Variants in AGBL4 observed in about 807,000 individuals in gnomAD.
AGBL4 encodes the protein AGBL carboxypeptidase 4, also known as cytosolic carboxypeptidase 6.
Under a neutral mutation model 66.4 loss-of-function variants are expected in AGBL4, and 58 were observed. That is an observed-to-expected ratio of 0.87 (90% CI 0.71 to 1.09). AGBL4 has a LOEUF of 1.09. AGBL4 is among the 50% of genes least tolerant of loss of function. The probability of loss-of-function intolerance (pLI) is 0.00; values close to 1 mark genes in which losing one functional copy is unlikely to be tolerated. For synonymous variants in AGBL4, 234 were observed against 222.9 expected (o/e 1.05, Z -0.44); for missense variants, 579 against 631.0 (o/e 0.92, Z 0.88).
chr1:50,002,357 T>G (rs1326160542), intron 1 of AGBL4, among the ~76,000 whole-genome samples: 1 of 127,582 alleles, frequency 7.8e-6, no homozygotes. Flanking sequence ...TCTGCCCTAG[T>G]TCTTTTTTTT....
chr1:48,945,987 T>C (rs899700424), intron 5 of AGBL4, among the ~76,000 whole-genome samples: 2 of 152,210 alleles, frequency 1.3e-5, no homozygotes, highest in Admixed American at 1.3e-4. Context: ...AGCTAATTAT[T>C]ATCATCACTC....
intron 5 of AGBL4, among the ~76,000 whole-genome samples, chr1:48,909,237 T>A (rs1652877706): frequency 6.6e-6 from 1 of 152,326 alleles, no homozygotes; most frequent in Non-Finnish European, 1.5e-5. Context: ...ATGCATATGT[T>A]TGTAATGATA....
intron 5 of AGBL4, among the ~76,000 whole-genome samples, chr1:48,951,354 G>A (rs1299463940): frequency 6.6e-6 from 1 of 152,162 alleles, no homozygotes; most frequent in Non-Finnish European, 1.5e-5. Flanking sequence ...GAAGAGAGTT[G>A]GAGGGGAAGC....
At chr1:49,646,602 C>T (rs1645893229) in intron 3 of AGBL4, among the ~76,000 whole-genome samples, 1 of 152,048 alleles carries the variant, frequency 6.6e-6, no homozygotes, top group Non-Finnish European at 1.5e-5. Context: ...ATGTTATTTT[C>T]TGGCTAAACT....
At chr1:48,653,577 G>A (rs377504162) in intron 7 of AGBL4, 126 bp from the exon 8 acceptor site, 2 of 656,838 alleles carry the variant, frequency 3.0e-6, no homozygotes, top group Non-Finnish European at 5.4e-6. Context: ...ATTGGCCACT[G>A]TGGGTGTGTG....
At chr1:48,974,708 T>C (rs956797116) in intron 5 of AGBL4, among the ~76,000 whole-genome samples, 6 of 152,156 alleles carry the variant, frequency 3.9e-5, no homozygotes, top group African/African-American at 1.4e-4. Context: ...TATAAAATAC[T>C]ATAAATTTAA....
intron 3 of AGBL4, among the ~76,000 whole-genome samples, chr1:49,446,128 G>A (rs938228395): frequency 6.6e-6 from 1 of 152,166 alleles, no homozygotes; most frequent in Admixed American, 6.5e-5. Flanking sequence ...TGGGATTACA[G>A]GTGTGAGCCA....
chr1:49,904,038 T>G (rs1359816017), intron 1 of AGBL4, among the ~76,000 whole-genome samples: 1 of 152,134 alleles, frequency 6.6e-6, no homozygotes, highest in Non-Finnish European at 1.5e-5. Context: ...GTATTAAATT[T>G]TCACCATCAG....
At chr1:49,139,635 T>G (rs1191970922) in intron 4 of AGBL4, among the ~76,000 whole-genome samples, 2 of 152,150 alleles carry the variant, frequency 1.3e-5, no homozygotes, top group Admixed American at 6.5e-5. Context: ...CAGCACTGTA[T>G]GTATAATAAT....
chr1:49,332,614 A>G (rs1217209887), intron 3 of AGBL4, among the ~76,000 whole-genome samples: 2 of 152,212 alleles, frequency 1.3e-5, no homozygotes, highest in African/African-American at 2.4e-5. Context: ...AATATTTCAC[A>G]GGGAAAATAA....
At chr1:49,436,197 A>G (rs1389865715) in intron 3 of AGBL4, among the ~76,000 whole-genome samples, 1 of 152,198 alleles carries the variant, frequency 6.6e-6, no homozygotes, top group Non-Finnish European at 1.5e-5. Flanking sequence ...GCAAGGATAC[A>G]GTATAGGAAA....
At chr1:49,076,031 G>A (rs1189212307) in intron 4 of AGBL4, among the ~76,000 whole-genome samples, 1 of 152,184 alleles carries the variant, frequency 6.6e-6, no homozygotes, top group East Asian at 1.9e-4. Flanking sequence ...TCGGCATAGA[G>A]TTGCAAAGTT....
chr1:49,695,805 C>T (rs1258450847), intron 3 of AGBL4, among the ~76,000 whole-genome samples: 1 of 152,072 alleles, frequency 6.6e-6, no homozygotes, highest in Non-Finnish European at 1.5e-5. Context: ...ATTGCATACA[C>T]TCAGTCTTGT....
intron 3 of AGBL4, among the ~76,000 whole-genome samples, chr1:49,598,204 T>C (rs1644885831): frequency 6.6e-6 from 1 of 152,184 alleles, no homozygotes; most frequent in Admixed American, 6.5e-5. Context: ...TGAAGCCTTC[T>C]TCTCTCAACT....
At chr1:49,975,192 C>T (rs939138924) in intron 1 of AGBL4, among the ~76,000 whole-genome samples, 2 of 152,136 alleles carry the variant, frequency 1.3e-5, no homozygotes, top group Non-Finnish European at 2.9e-5. Context: ...ATATTAAGAA[C>T]ACCTTTTACA....
chr1:49,646,313 A>G (rs1404669766), intron 3 of AGBL4, among the ~76,000 whole-genome samples: 1 of 151,988 alleles, frequency 6.6e-6, no homozygotes, highest in Non-Finnish European at 1.5e-5. Flanking sequence ...GTGAAAAGCT[A>G]CAAGTACTAA....
intron 3 of AGBL4, among the ~76,000 whole-genome samples, chr1:49,343,114 T>C (rs1645573433): frequency 6.6e-6 from 1 of 152,156 alleles, no homozygotes; most frequent in Non-Finnish European, 1.5e-5. Context: ...ATTTTTGTTT[T>C]TCTTCTCAGT....
chr1:48,681,311 A>T (rs1182051964), intron 6 of AGBL4, among the ~76,000 whole-genome samples: 1 of 152,236 alleles, frequency 6.6e-6, no homozygotes, highest in Non-Finnish European at 1.5e-5. Context: ...GGAGATGTGC[A>T]GTGCATGTGA....
Position 48,545,190 on chromosome 1 carries a change from T to G in AGBL4, c.1268-5452A>C, listed in dbSNP as rs368414023. 6.6e-5 allele frequency among the ~76,000 whole-genome samples: 10 copies of G among 152,306 alleles called. 1 individual carries two copies. Among genetic ancestry groups the G allele is most frequent in the East Asian group, 5.8e-4 (3 of 5,180 alleles). ...AGGAGGTAGCCTTGTAAATCAATCC[T>G]CTTGAACTCTGCAAGGGAAAGGAGA... On this transcript the variant is annotated intron_variant, in intron 11 of 13. Transcript: ENST00000371839.
Sources: gnomAD v4.1 joint callset for allele counts (sites outside exome capture counted in the v4.1 genomes callset) on GRCh38, gnomAD v4.1.1 for gene constraint, MANE v1.5 for transcripts, NCBI Gene and HGNC (gene_info 2026-07-23, HGNC 2026-07-21) for gene names.